TASP1: variants seen among roughly 807,000 people sequenced by gnomAD.
The protein encoded by TASP1 is taspase 1.
In TASP1, 16 loss-of-function variants were observed where a neutral mutation model predicts 56.6. The ratio of observed to expected loss-of-function variants is 0.28; its 90% CI spans 0.19 to 0.43. The LOEUF is 0.43. Among genes scored for constraint, TASP1 ranks in the 20% least tolerant of loss-of-function variants. The pLI, the probability that TASP1 is intolerant of heterozygous loss-of-function variation, is 1.00. For missense variants in TASP1, 393 were observed against 511.6 expected (o/e 0.77, Z 2.24); for synonymous variants, 179 against 184.2 (o/e 0.97, Z 0.23).
chr20:13,438,720 C>T (rs1211465062), intron 11 of TASP1, among the ~76,000 whole-genome samples: 1 of 152,112 alleles, frequency 6.6e-6, no homozygotes, highest in East Asian at 1.9e-4. Flanking sequence ...GAACAGGCAA[C>T]CTATAGAATG....
chr20:13,587,076 A>G (rs1271743905), intron 5 of TASP1, among the ~76,000 whole-genome samples, 174 bp downstream of exon 5: 6 of 152,196 alleles, frequency 3.9e-5, no homozygotes, highest in Non-Finnish European at 8.8e-5. Flanking sequence ...TCAAATTCAA[A>G]CCAAAAACTA....
chr20:13,406,865 A>G (rs2041944364), intron 13 of TASP1, among the ~76,000 whole-genome samples: 1 of 151,812 alleles, frequency 6.6e-6, no homozygotes, highest in Non-Finnish European at 1.5e-5. Context: ...ACAGGGTTTC[A>G]CTATGTTAGC....
At chr20:13,373,926 T>C in the TASP1 span, among the ~76,000 whole-genome samples, 1 of 152,174 alleles carries the variant, frequency 6.6e-6, no homozygotes, top group Non-Finnish European at 1.5e-5. Flanking sequence ...AGGCTCTTTT[T>C]TCTTCATTTT....
chr20:13,575,666 A>C (rs1399698571), intron 6 of TASP1, among the ~76,000 whole-genome samples: 2 of 152,180 alleles, frequency 1.3e-5, no homozygotes, highest in African/African-American at 4.8e-5. Flanking sequence ...AGGAAAAGAA[A>C]GGAACTTTCT....
downstream of TASP1, among the ~76,000 whole-genome samples, chr20:13,385,393 G>A (rs1000251670): frequency 4.6e-5 from 7 of 152,160 alleles, no homozygotes; most frequent in African/African-American, 9.7e-5. Context: ...ACTTAGTTGC[G>A]AACTTCACAA....
the TASP1 span, among the ~76,000 whole-genome samples, chr20:13,109,551 A>G: frequency 1.4e-4 from 22 of 152,342 alleles, no homozygotes; most frequent in Non-Finnish European, 2.8e-4. Context: ...ATAGGGCTCA[A>G]TAACTGTGAG....
the TASP1 span, among the ~76,000 whole-genome samples, chr20:13,290,474 GC>G: frequency 1.3e-5 from 2 of 152,030 alleles, no homozygotes; most frequent in South Asian, 2.1e-4. Context: ...ACGGTGAAAT[GC>G]CGTCTCTACT....
intron 6 of TASP1, among the ~76,000 whole-genome samples, chr20:13,579,391 C>T (rs552047001): frequency 5.3e-5 from 8 of 149,644 alleles, no homozygotes; most frequent in East Asian, 3.9e-4. Context: ...TTTTTTGAGA[C>T]GGAGTCTCGC....
At chr20:13,319,437 A>G in the TASP1 span, among the ~76,000 whole-genome samples, 1 of 152,180 alleles carries the variant, frequency 6.6e-6, no homozygotes, top group Non-Finnish European at 1.5e-5. Context: ...AGTTTCACAG[A>G]GGTCAAGGGT....
chr20:13,496,079 A>G (rs1344416692), intron 10 of TASP1, among the ~76,000 whole-genome samples: 3 of 151,918 alleles, frequency 2.0e-5, no homozygotes, highest in African/African-American at 7.3e-5. Flanking sequence ...CTTGAAACAG[A>G]GTCTTGCTCT....
At chr20:13,336,990 C>T in the TASP1 span, among the ~76,000 whole-genome samples, 1 of 152,152 alleles carries the variant, frequency 6.6e-6, no homozygotes, top group Admixed American at 6.5e-5. Flanking sequence ...AAAACAGTTT[C>T]AGATAGGACT....
chr20:13,327,937 A>G, the TASP1 span, among the ~76,000 whole-genome samples: 2 of 152,230 alleles, frequency 1.3e-5, no homozygotes, highest in Admixed American at 6.5e-5. Context: ...AATCTCAACA[A>G]AAGCAAAAAT....
At chr20:13,524,619 AT>A (rs1322574857) in intron 10 of TASP1, among the ~76,000 whole-genome samples, 1 of 152,194 alleles carries the variant, frequency 6.6e-6, no homozygotes, top group African/African-American at 2.4e-5. Context: ...GAAACAAATT[AT>A]TTATTTTCTA....
At chr20:13,497,538 T>G (rs1410728121) in intron 10 of TASP1, among the ~76,000 whole-genome samples, 1 of 152,172 alleles carries the variant, frequency 6.6e-6, no homozygotes, top group Non-Finnish European at 1.5e-5. Context: ...AGCTGGTCTA[T>G]AAATAGATAA....
the TASP1 span, among the ~76,000 whole-genome samples, chr20:13,234,218 G>A: frequency 6.6e-6 from 1 of 152,120 alleles, no homozygotes; most frequent in Non-Finnish European, 1.5e-5. Context: ...CGTGGTATTC[G>A]ACTTTCTGTT....
At chr20:13,316,974 T>G in the TASP1 span, among the ~76,000 whole-genome samples, 1 of 151,870 alleles carries the variant, frequency 6.6e-6, no homozygotes, top group East Asian at 1.9e-4. Context: ...CCATATAGAT[T>G]GAGAAGGAAA....
chr20:13,215,951 A>C, the TASP1 span, among the ~76,000 whole-genome samples: 1 of 152,196 alleles, frequency 6.6e-6, no homozygotes, highest in African/African-American at 2.4e-5. Flanking sequence ...TCGTAGTTCA[A>C]AGGAGAGGCT....
chr20:13,497,210 A>G (rs1450232244), intron 10 of TASP1, among the ~76,000 whole-genome samples: 2 of 152,208 alleles, frequency 1.3e-5, no homozygotes, highest in Non-Finnish European at 2.9e-5. Flanking sequence ...AGCATTTTGA[A>G]GTCTGGGGAC....
At chr20:13,223,307 C>G in the TASP1 span, among the ~76,000 whole-genome samples, 1 of 152,028 alleles carries the variant, frequency 6.6e-6, no homozygotes, top group Non-Finnish European at 1.5e-5. Context: ...TTGCGAAAAA[C>G]TTTACCGTAA....
Sources: gnomAD v4.1 joint callset for allele counts (sites outside exome capture counted in the v4.1 genomes callset) on GRCh38, gnomAD v4.1.1 for gene constraint, MANE v1.5 for transcripts, NCBI Gene and HGNC (gene_info 2026-07-23, HGNC 2026-07-21) for gene names.